SLC25A48: variants seen among roughly 807,000 people sequenced by gnomAD.
The protein encoded by SLC25A48 is solute carrier family 25 member 48.
In SLC25A48, 29 loss-of-function variants were observed where a neutral mutation model predicts 32.2. That is an observed-to-expected ratio of 0.90 (90% CI 0.67 to 1.23). SLC25A48 has a LOEUF of 1.23. SLC25A48 is among the 50% of genes most tolerant of loss of function. The pLI is 0.00. For missense variants in SLC25A48, 399 were observed against 422.7 expected (o/e 0.94, Z 0.49); for synonymous variants, 164 against 172.3 (o/e 0.95, Z 0.38).
intron 3 of SLC25A48, among the ~76,000 whole-genome samples, chr5:135,745,409 C>T (rs997997020): frequency 1.3e-5 from 2 of 152,130 alleles, no homozygotes; most frequent in African/African-American, 2.4e-5. Context: ...CAACCTCCAG[C>T]GTGGGTGTCA....
intron 3 of SLC25A48, among the ~76,000 whole-genome samples, chr5:135,709,397 C>T (rs774422969): frequency 1.3e-5 from 2 of 152,346 alleles, no homozygotes; most frequent in East Asian, 1.9e-4. Flanking sequence ...CTGTTGGAGG[C>T]CAGTTCTTAA....
intron 1 of SLC25A48, among the ~76,000 whole-genome samples, chr5:135,838,859 C>A (rs1758759939): frequency 6.6e-6 from 1 of 152,194 alleles, no homozygotes; most frequent in South Asian, 2.1e-4. Flanking sequence ...AGGGGTGGGG[C>A]CCTCATGGAG....
chr5:135,787,296 A>G (rs937799403), intron 3 of SLC25A48, among the ~76,000 whole-genome samples: 5 of 152,154 alleles, frequency 3.3e-5, no homozygotes, highest in Non-Finnish European at 7.4e-5. Flanking sequence ...TGTGTGTACA[A>G]TCTGTGATAT....
rs1756687759 is a variant in SLC25A48, at chr5:135,780,244, G to A, written c.-520-32279G>A. 2.1e-5 allele frequency among the ~76,000 whole-genome samples: 2 copies of A among 95,516 alleles called. 1 individual carries two copies. The highest frequency in any genetic ancestry group is 4.9e-5 in the Non-Finnish European group (2 of 41,098). 62.7% of individuals were successfully genotyped at this position (95,516 alleles called of 152,430 possible). On this transcript the variant is annotated intron_variant, in intron 3 of 10. Transcript: ENST00000646290. ...TGGGACTACAGGCGCCCGCCACCAC[G>A]GCCGGTTAATTTTTTGTATTTTTAG...
At chr5:135,846,163 T>A (rs989357230) in intron 2 of SLC25A48, among the ~76,000 whole-genome samples, 3 of 152,182 alleles carry the variant, frequency 2.0e-5, no homozygotes, top group Non-Finnish European at 4.4e-5. Flanking sequence ...GGTTGCCCGC[T>A]CTTTATGAGA....
chr5:135,700,943 TG>T (rs1489320257), intron 3 of SLC25A48, among the ~76,000 whole-genome samples: 1 of 152,178 alleles, frequency 6.6e-6, no homozygotes, highest in Admixed American at 6.5e-5. Flanking sequence ...GCAGAGGGCC[TG>T]GGACCTGGGG....
intron 1 of SLC25A48, among the ~76,000 whole-genome samples, chr5:135,618,428 T>C (rs749156273): frequency 1.3e-5 from 2 of 152,124 alleles, no homozygotes; most frequent in African/African-American, 4.8e-5. Context: ...ATTTTTGATA[T>C]GTGAGGGCTT....
chr5:135,795,710 C>T (rs555497670), intron 3 of SLC25A48, among the ~76,000 whole-genome samples: 1 of 149,312 alleles, frequency 6.7e-6, no homozygotes, highest in African/African-American at 2.5e-5. Context: ...CGCGGGAAGT[C>T]TACACTTTCA....
intron 1 of SLC25A48, among the ~76,000 whole-genome samples, 153 bp from the exon 2 acceptor site, chr5:135,842,263 T>C (rs1759066393): frequency 6.6e-6 from 1 of 152,174 alleles, no homozygotes; most frequent in East Asian, 1.9e-4. Flanking sequence ...CCTTGGTGCA[T>C]GGGCCAGTGC....
rs534483785 is a variant in SLC25A48 at position 135,871,709 on chromosome 5, G to T, written c.670G>T (p.Gly224Cys). The change falls in exon 5 of 8, where the codon GGC becomes TGC. Residue 224 changes from glycine to cysteine, a missense_variant. Coordinates refer to ENST00000681962, the MANE Select transcript of SLC25A48 (RefSeq NM_001349336.2). The stretch of plus-strand genomic sequence containing the variant: ...CCCCTGTGCCGTGTGGCTGGCGGGC[G>T]GCATGGCAGGTAAGGGCAGCAGCAG... ...PSPCAVWLAG[G>C]MAGAISWGTA... 3.7e-6 allele frequency: 6 copies of T among 1,613,404 alleles called. No individual in the cohort carries two copies. The highest frequency in any genetic ancestry group is 5.1e-6 in the Non-Finnish European group (6 of 1,179,668).
intron 6 of SLC25A48, chr5:135,876,152 T>C (rs1431945035): frequency 7.2e-6 from 1 of 138,698 alleles, no homozygotes; most frequent in East Asian, 2.0e-4. Flanking sequence ...TTTTTTTTTT[T>C]TTTTTTTTTA....
At chr5:135,787,126 G>A (rs1756867622) in intron 3 of SLC25A48, among the ~76,000 whole-genome samples, 1 of 151,900 alleles carries the variant, frequency 6.6e-6, no homozygotes, top group Non-Finnish European at 1.5e-5. Context: ...CACAGTAAGT[G>A]TACACCATGG....
chr5:135,751,385 C>T (rs7380109), intron 3 of SLC25A48, among the ~76,000 whole-genome samples: 107,832 of 152,058 alleles, frequency 0.71, 39,695 homozygotes, highest in Middle Eastern at 0.83. Context: ...GACAGAGGCC[C>T]CTGCTCCCTG....
Position 135,871,618 on chromosome 5 carries a change from C to A in SLC25A48, c.579C>A (p.Cys193Ter). 1 of 1,614,222 alleles carries A rather than the reference C, an allele frequency of 6.2e-7. No homozygotes were observed. The highest frequency in any genetic ancestry group is 8.5e-7 in the Non-Finnish European group (1 of 1,180,030). The change falls in exon 5 of 8, where the codon TGC (cysteine) becomes TGA (stop). Residue 193 changes from cysteine (C) to a stop codon, truncating the protein, a stop_gained. Coordinates refer to ENST00000681962, the MANE Select transcript of SLC25A48 (RefSeq NM_001349336.2). LOFTEE classifies it high-confidence loss of function. Reference sequence around the variant, plus strand: ...TGCTGAGGGATGTCCCAGGCTATTGCCTCTACTTCATCCCCTACGTGTTCC... The same window carrying A: ...TGCTGAGGGATGTCCCAGGCTATTGACTCTACTTCATCCCCTACGTGTTCC... ...AMLLRDVPGYCLYFIPYVFLS... is the reference protein window; with the variant it reads ...AMLLRDVPGY
At chr5:135,791,155 A>G (rs1303306076) in intron 3 of SLC25A48, among the ~76,000 whole-genome samples, 1 of 151,382 alleles carries the variant, frequency 6.6e-6, no homozygotes, top group Non-Finnish European at 1.5e-5. Context: ...CTAGGGAGAC[A>G]TGACTTCTAA....
chr5:135,800,221 C>T (rs561778188), intron 3 of SLC25A48, among the ~76,000 whole-genome samples: 2 of 151,650 alleles, frequency 1.3e-5, no homozygotes, highest in African/African-American at 4.8e-5. Context: ...GGAGAGTACA[C>T]CCCGCCCAGT....
intron 4 of SLC25A48, among the ~76,000 whole-genome samples, chr5:135,817,210 T>C (rs1169498897): frequency 6.6e-6 from 1 of 152,144 alleles, no homozygotes; most frequent in Non-Finnish European, 1.5e-5. Flanking sequence ...GATATTGGCA[T>C]CTAGTAGGTA....
At chr5:135,585,765 G>GATAATA (rs575237605) in intron 1 of SLC25A48, among the ~76,000 whole-genome samples, 7 of 151,248 alleles carry the variant, frequency 4.6e-5, no homozygotes, top group African/African-American at 7.3e-5. Context: ...GTAAAAAGAA[G>GATAATA]ATAATAATAA....
At chr5:135,792,200 T>A (rs1757048601) in intron 3 of SLC25A48, among the ~76,000 whole-genome samples, 1 of 151,872 alleles carries the variant, frequency 6.6e-6, no homozygotes, top group Non-Finnish European at 1.5e-5. Context: ...ACCGCTGCGT[T>A]ATGTTATTCC....
Sources: gnomAD v4.1 joint callset for allele counts (sites outside exome capture counted in the v4.1 genomes callset) on GRCh38, gnomAD v4.1.1 for gene constraint, MANE v1.5 for transcripts, NCBI Gene and HGNC (gene_info 2026-07-23, HGNC 2026-07-21) for gene names.